Variants in CADM1 observed in about 807,000 individuals in gnomAD.
CADM1 encodes the protein TSLC-1.
A neutral mutation model predicts 53.1 loss-of-function variants in CADM1; 15 were observed. That is an observed-to-expected ratio of 0.28 (90% CI 0.19 to 0.44). CADM1 has a LOEUF of 0.44. Ranked by LOEUF, CADM1 falls within the 20% of genes least tolerant of loss-of-function variation. CADM1 has a pLI of 1.00. For missense variants in CADM1, 434 were observed against 611.3 expected (o/e 0.71, Z 3.06); for synonymous variants, 281 against 243.0 (o/e 1.16, Z -1.45).
In CADM1 at chr11:115,173,790, C is replaced by T. The variant is rs1304646031; in HGVS notation, c.*2684G>A. The T allele has an allele frequency of 1.1e-5, 11 of 984,400 alleles. No homozygotes were observed. The highest frequency in any genetic ancestry group is 1.3e-5 in the Non-Finnish European group (11 of 829,530). The allele number at this position is 984,400 out of a possible 1,614,324, so 61.0% of individuals were successfully genotyped here. A position where few individuals can be genotyped will look rare whatever the true frequency, so the allele number is the denominator to read the frequency against. ...ACACTGTAACATTGTCCATGTACACCTTAAAAACAGAACTGGCCTAAAGGG... is the reference window on the plus strand; with the variant it reads ...ACACTGTAACATTGTCCATGTACACTTTAAAAACAGAACTGGCCTAAAGGG... On this transcript the variant is annotated 3_prime_UTR_variant, in exon 12 of 12. Transcript: ENST00000331581.
At chr11:115,207,138 C>T (rs899676332) in intron 8 of CADM1, among the ~76,000 whole-genome samples, 3 of 152,038 alleles carry the variant, frequency 2.0e-5, no homozygotes, top group Non-Finnish European at 4.4e-5. Flanking sequence ...ATTAAGGCAA[C>T]GAATTCTACA....
intron 1 of CADM1, among the ~76,000 whole-genome samples, chr11:115,312,922 T>C (rs1169751236): frequency 1.3e-5 from 2 of 152,072 alleles, no homozygotes; most frequent in South Asian, 2.1e-4. Context: ...ATAATTTCTC[T>C]AAACAATGTG....
intron 1 of CADM1, among the ~76,000 whole-genome samples, chr11:115,406,813 G>T (rs190339085): frequency 6.6e-6 from 1 of 151,614 alleles, no homozygotes; most frequent in African/African-American, 2.4e-5. Flanking sequence ...GCTGGGCATG[G>T]TGGTGGGTGC....
chr11:115,448,738 C>CCCACAGTTTTT (rs765408775), intron 1 of CADM1, among the ~76,000 whole-genome samples: 14 of 152,064 alleles, frequency 9.2e-5, no homozygotes, highest in Admixed American at 2.0e-4. Context: ...ATCACAAAGT[C>CCCACAGTTTTT]AACATGTATT....
intron 1 of CADM1, among the ~76,000 whole-genome samples, chr11:115,416,548 G>C (rs1947602003): frequency 6.6e-6 from 1 of 151,980 alleles, no homozygotes; most frequent in African/African-American, 2.4e-5. Flanking sequence ...AAATTCATCT[G>C]GCATCCTGGT....
chr11:115,386,570 T>C (rs959534354), intron 1 of CADM1, among the ~76,000 whole-genome samples: 1 of 152,196 alleles, frequency 6.6e-6, no homozygotes, highest in African/African-American at 2.4e-5. Flanking sequence ...GGGCATCACA[T>C]GGTGAAGGGG....
chr11:115,286,876 C>A (rs890080475), intron 1 of CADM1, among the ~76,000 whole-genome samples: 1 of 152,170 alleles, frequency 6.6e-6, no homozygotes. Flanking sequence ...TCCAAAAGAA[C>A]AGAAGGAAAG....
At chr11:115,192,665 C>T (rs1024335678) in intron 9 of CADM1, among the ~76,000 whole-genome samples, 2 of 152,156 alleles carry the variant, frequency 1.3e-5, no homozygotes, top group Non-Finnish European at 2.9e-5. Context: ...GCCCACTGAA[C>T]CACATTAAAC....
chr11:115,485,780 T>C (rs1294864046), intron 1 of CADM1, among the ~76,000 whole-genome samples: 1 of 152,232 alleles, frequency 6.6e-6, no homozygotes, highest in Admixed American at 6.5e-5. Flanking sequence ...TTACCAGCAG[T>C]GTGAGAACGC....
At chr11:115,487,822 T>A (rs1949409812) in intron 1 of CADM1, among the ~76,000 whole-genome samples, 1 of 152,230 alleles carries the variant, frequency 6.6e-6, no homozygotes, top group African/African-American at 2.4e-5. Flanking sequence ...TTGATTCATC[T>A]TTTCTTCTTC....
intron 1 of CADM1, among the ~76,000 whole-genome samples, chr11:115,307,437 C>T (rs1944404021): frequency 6.9e-6 from 1 of 145,964 alleles, no homozygotes; most frequent in South Asian, 2.2e-4. Context: ...GACAAGAAGA[C>T]AAAAAATATA....
intron 1 of CADM1, among the ~76,000 whole-genome samples, chr11:115,336,722 T>C (rs1945276833): frequency 6.6e-6 from 1 of 152,172 alleles, no homozygotes; most frequent in Non-Finnish European, 1.5e-5. Context: ...CAGCCAGAAT[T>C]AGAAGCACTG....
chr11:115,384,264 A>G (rs1037209184), intron 1 of CADM1, among the ~76,000 whole-genome samples: 2 of 152,176 alleles, frequency 1.3e-5, no homozygotes, highest in African/African-American at 4.8e-5. Context: ...GCTCTTTTAA[A>G]GTGTCTGCCC....
At chr11:115,285,742 G>A (rs1023557539) in intron 1 of CADM1, among the ~76,000 whole-genome samples, 5 of 152,022 alleles carry the variant, frequency 3.3e-5, no homozygotes, top group Admixed American at 2.6e-4. Context: ...CAGGCAGCTG[G>A]GGTTACACCT....
chr11:115,252,178 C>A (rs1043386031), intron 1 of CADM1, among the ~76,000 whole-genome samples: 2 of 152,148 alleles, frequency 1.3e-5, no homozygotes, highest in African/African-American at 4.8e-5. Flanking sequence ...AACAGGAAAA[C>A]CTCTGAAATT....
intron 1 of CADM1, among the ~76,000 whole-genome samples, chr11:115,476,464 G>T: frequency 6.6e-6 from 1 of 152,126 alleles, no homozygotes. Context: ...TCTTAACTTA[G>T]AGGTGGAAAC....
intron 1 of CADM1, among the ~76,000 whole-genome samples, chr11:115,473,629 A>G (rs776095824): frequency 6.6e-6 from 1 of 152,216 alleles, no homozygotes; most frequent in Non-Finnish European, 1.5e-5. Context: ...ACAAATGAAC[A>G]TTTATAGGCA....
intron 2 of CADM1, 87 bp from the exon 3 acceptor site, chr11:115,238,739 C>A: frequency 7.3e-7 from 1 of 1,367,612 alleles, no homozygotes; most frequent in Non-Finnish European, 1.0e-6. Flanking sequence ...CTTGCTGTAT[C>A]TGATACTTCT....
At chr11:115,283,643 GAGATA>G (rs1298131213) in intron 1 of CADM1, among the ~76,000 whole-genome samples, 1 of 152,206 alleles carries the variant, frequency 6.6e-6, no homozygotes, top group Non-Finnish European at 1.5e-5. Context: ...TCCAGCCAGG[GAGATA>G]ACAGACAGAA....
Sources: gnomAD v4.1 joint callset for allele counts (sites outside exome capture counted in the v4.1 genomes callset) on GRCh38, gnomAD v4.1.1 for gene constraint, MANE v1.5 for transcripts, NCBI Gene and HGNC (gene_info 2026-07-23, HGNC 2026-07-21) for gene names.